Variants in ALMS1 observed in about 807,000 individuals in gnomAD.
The protein encoded by ALMS1 is centrosome-associated protein ALMS1.
Under a neutral mutation model 352.2 loss-of-function variants are expected in ALMS1, and 271 were observed. The ratio of observed to expected loss-of-function variants is 0.77; its 90% CI spans 0.70 to 0.85. The LOEUF (loss-of-function observed/expected upper bound fraction) is 0.85, where lower values mean the gene tolerates loss of function less well. Among genes scored for constraint, ALMS1 ranks in the 40% least tolerant of loss-of-function variants. ALMS1 has a pLI of 0.00. For missense variants in ALMS1, 5,445 were observed against 4,870.7 expected, an observed-to-expected ratio of 1.12 and a Z score of -3.51; for synonymous variants, 1,865 against 1,761.2, an observed-to-expected ratio of 1.06 and a Z score of -1.48.
rs1671908210 is a variant in ALMS1 at position 73,450,433 on chromosome 2, A to G, written c.3906A>G (p.Pro1302=). 6.2e-7 allele frequency: 1 copy of G among 1,613,728 alleles called. No individual in the cohort carries two copies. Among genetic ancestry groups the G allele is most frequent in the Non-Finnish European group, 8.5e-7 (1 of 1,179,934 alleles). ...GCATTTTCTACCAACAGTCGTTGCC[A>G]AGTAGTCATCTAACTGAAGAGGCTA... ...KPSIFYQQSL[P]SSHLTEEAKN... Residue 1302 remains proline, a synonymous_variant, in exon 8 of 23, where the codon CCA becomes CCG. Coordinates refer to ENST00000613296, the MANE Select transcript of ALMS1 (RefSeq NM_001378454.1).
upstream of ALMS1, chr2:73,385,828 C>A (rs548057920): frequency 6.5e-5 from 43 of 665,040 alleles, no homozygotes; most frequent in Middle Eastern, 3.9e-4. Context: ...CTCCCTCCCC[C>A]CCTCCTCCTC....
intron 7 of ALMS1, among the ~76,000 whole-genome samples, chr2:73,434,193 G>A (rs1401118203): frequency 6.6e-6 from 1 of 151,584 alleles, no homozygotes; most frequent in Non-Finnish European, 1.5e-5. Context: ...TTTTTAAGGT[G>A]GACAGTTAGG....
intron 9 of ALMS1, among the ~76,000 whole-genome samples, chr2:73,467,888 G>T (rs1213249780): frequency 6.6e-6 from 1 of 151,962 alleles, no homozygotes; most frequent in Non-Finnish European, 1.5e-5. Context: ...CTAATCAATG[G>T]TGAGAAAAGT....
intron 12 of ALMS1, among the ~76,000 whole-genome samples, chr2:73,543,235 T>G (rs1274408567): frequency 3.9e-5 from 6 of 152,228 alleles, no homozygotes; most frequent in Non-Finnish European, 8.8e-5. Flanking sequence ...ATCTGATCTT[T>G]GACAAACCTG....
At chr2:73,463,044 TC>T (rs1217555926) in intron 9 of ALMS1, among the ~76,000 whole-genome samples, 4 of 152,076 alleles carry the variant, frequency 2.6e-5, no homozygotes, top group Admixed American at 6.5e-5. Context: ...ATTAGACAGA[TC>T]AACGAGACAG....
chr2:73,607,689 G>A lies in ALMS1; in HGVS notation c.12363-786G>A, dbSNP rs147340227. Among the ~76,000 whole-genome samples the A allele has an allele frequency of 1.8e-3, 277 of 151,974 alleles. 1 individual carries two copies. The highest frequency in any genetic ancestry group is 6.5e-3 in the African/African-American group (269 of 41,432). On this transcript the variant is annotated intron_variant, in intron 21 of 22. Coordinates refer to ENST00000613296, the MANE Select transcript of ALMS1 (RefSeq NM_001378454.1). Reference sequence around the variant, plus strand: ...TGGAGTCTCACTTTATCACCCAGCTGTAGTGCAGCAGTGGCTTGATCTTGG... The same window carrying A: ...TGGAGTCTCACTTTATCACCCAGCTATAGTGCAGCAGTGGCTTGATCTTGG...
At position 73,424,760 on chromosome 2, in the gene ALMS1, T is replaced by C; in HGVS notation, c.1095T>C (p.Asp365=). The C allele has an allele frequency of 6.2e-7, 1 of 1,613,900 alleles. No homozygotes were observed. Among genetic ancestry groups the C allele is most frequent in the Non-Finnish European group, 8.5e-7 (1 of 1,179,842 alleles). ...QWPENNLADK[D]QVSVATSFDI... ...CTGAAAACAATTTAGCTGATAAAGATCAAGTTTCAGTTGCAACTTCATTTG... is the reference window on the plus strand; with the variant it reads ...CTGAAAACAATTTAGCTGATAAAGACCAAGTTTCAGTTGCAACTTCATTTG... Residue 365 remains aspartate (D), a synonymous_variant, in exon 5 of 23, where the codon GAT becomes GAC. Coordinates refer to ENST00000613296, the MANE Select transcript of ALMS1 (RefSeq NM_001378454.1).
chr2:73,439,282 ATCT>A (rs949946822), intron 7 of ALMS1, among the ~76,000 whole-genome samples: 9 of 150,588 alleles, frequency 6.0e-5, no homozygotes, highest in Non-Finnish European at 1.2e-4. Context: ...TGCCCAGCTA[ATCT>A]TTTTTTTTTT....
rs774229677 is a variant in ALMS1, at chr2:73,490,618, C to A, written c.8659C>A (p.Leu2887Ile). ...TTGCATTTTTCTTGAACAACGAGAG[C>A]TCTTTGAACAAAGCAAAGCCCCACG... ...PSCIFLEQRE[L>I]FEQSKAPRAD... is the part of the protein sequence containing the mutation. Residue 2887 changes from leucine to isoleucine, a missense_variant, in exon 10 of 23, where the codon CTC becomes ATC. Coordinates refer to ENST00000613296, the MANE Select transcript of ALMS1 (RefSeq NM_001378454.1). 1 of 1,614,168 alleles carries A rather than the reference C, an allele frequency of 6.2e-7. No individual in the cohort carries two copies. The highest frequency in any genetic ancestry group is 2.2e-5 in the East Asian group (1 of 44,872).
chr2:73,474,142 T>G (rs1326007179), intron 9 of ALMS1, among the ~76,000 whole-genome samples: 1 of 151,378 alleles, frequency 6.6e-6, no homozygotes, highest in Non-Finnish European at 1.5e-5. Context: ...TTTAACAGAT[T>G]TTTTTTTTAA....
At chr2:73,400,110 G>A (rs1389011407) in intron 1 of ALMS1, among the ~76,000 whole-genome samples, 1 of 151,624 alleles carries the variant, frequency 6.6e-6, no homozygotes, top group African/African-American at 2.4e-5. Context: ...GCTAATTTTT[G>A]TATTTTTTTT....
chr2:73,436,777 A>G (rs1012179229), intron 7 of ALMS1, among the ~76,000 whole-genome samples: 1 of 152,100 alleles, frequency 6.6e-6, no homozygotes, highest in African/African-American at 2.4e-5. Context: ...TGACTTTGCC[A>G]TCATACCTAT....
At chr2:73,492,223 T>G (rs1013904253) in intron 10 of ALMS1, among the ~76,000 whole-genome samples, 1 of 152,056 alleles carries the variant, frequency 6.6e-6, no homozygotes, top group Admixed American at 6.5e-5. Context: ...TGTTTAGTAT[T>G]TTACCTTATA....
At chr2:73,552,065 T>C (rs1312043755) in intron 13 of ALMS1, among the ~76,000 whole-genome samples, 1 of 152,284 alleles carries the variant, frequency 6.6e-6, no homozygotes, top group East Asian at 1.9e-4. Flanking sequence ...TATTTTATTA[T>C]TGTTATACTT....
intron 9 of ALMS1, chr2:73,458,871 A>T (rs1672128033): frequency 6.6e-6 from 1 of 152,206 alleles, no homozygotes; most frequent in Admixed American, 6.5e-5. Context: ...TTCTTGGGTC[A>T]TCACTGTAAT....
At chr2:73,466,966 A>G (rs971483464) in intron 9 of ALMS1, among the ~76,000 whole-genome samples, 4 of 152,174 alleles carry the variant, frequency 2.6e-5, no homozygotes, top group Admixed American at 6.5e-5. Context: ...TATAATTTCT[A>G]TAATAACCCT....
intron 16 of ALMS1, among the ~76,000 whole-genome samples, chr2:73,584,154 A>G (rs1443880092): frequency 6.6e-6 from 1 of 152,148 alleles, no homozygotes; most frequent in Non-Finnish European, 1.5e-5. Context: ...CTATTATATG[A>G]AAAATTAAGA....
At chr2:73,588,101 A>G (rs1675348106) in intron 16 of ALMS1, among the ~76,000 whole-genome samples, 1 of 152,238 alleles carries the variant, frequency 6.6e-6, no homozygotes, top group Admixed American at 6.5e-5. Flanking sequence ...TCAAAGAAGA[A>G]TTGGTACAAA....
At position 73,451,693 on chromosome 2, in the gene ALMS1, C is replaced by T. The variant is rs771186691; in HGVS notation, c.5166C>T (p.Tyr1722=). Residue 1722 remains tyrosine, a synonymous_variant, in exon 8 of 23, where the codon TAC becomes TAT. Coordinates refer to ENST00000613296, the MANE Select transcript of ALMS1 (RefSeq NM_001378454.1). The part of the protein sequence containing the change: ...YSYREKPIVF[Y]QQALPDSELT... ...ATAGAGAGAAGCCCATTGTCTTCTA[C>T]CAACAGGCCCTGCCAGACAGTGAGC... The T allele has an allele frequency of 6.2e-6, 10 of 1,614,002 alleles. No individual in the cohort carries two copies. In the South Asian group the frequency reaches 1.1e-4, roughly 18 times the overall value.
Sources: gnomAD v4.1 joint callset for allele counts (sites outside exome capture counted in the v4.1 genomes callset) on GRCh38, gnomAD v4.1.1 for gene constraint, MANE v1.5 for transcripts, NCBI Gene and HGNC (gene_info 2026-07-23, HGNC 2026-07-21) for gene names.